FUT8: variants seen among roughly 807,000 people sequenced by gnomAD.
FUT8 encodes fucosyltransferase 8, also known as alpha-(1,6)-fucosyltransferase.
In FUT8, 29 loss-of-function variants were observed where a neutral mutation model predicts 71.3. The ratio of observed to expected loss-of-function variants is 0.41; its 90% CI spans 0.30 to 0.55. FUT8 has a LOEUF of 0.55. Ranked by LOEUF, FUT8 falls within the 20% of genes least tolerant of loss-of-function variation. The pLI is 0.34. For missense variants in FUT8, 544 were observed against 702.1 expected (o/e 0.77, Z 2.55); for synonymous variants, 254 against 239.3 (o/e 1.06, Z -0.57).
intron 10 of FUT8, among the ~76,000 whole-genome samples, chr14:65,740,610 C>A (rs575214993): frequency 2.0e-5 from 3 of 152,104 alleles, no homozygotes; most frequent in East Asian, 3.9e-4. Context: ...AGGCAACTTA[C>A]AATCATGGCA....
chr14:65,482,523 G>T (rs970842519), intron 2 of FUT8, among the ~76,000 whole-genome samples: 1 of 152,108 alleles, frequency 6.6e-6, no homozygotes, highest in African/African-American at 2.4e-5. Context: ...TTAAGCCTTT[G>T]TGAAAATCAA....
chr14:65,538,686 G>A (rs1242958632), intron 2 of FUT8, among the ~76,000 whole-genome samples: 3 of 152,170 alleles, frequency 2.0e-5, no homozygotes, highest in Admixed American at 6.5e-5. Context: ...TTGGGTGGCC[G>A]AGGTAGGTGG....
At chr14:65,580,226 T>C (rs1189839906) in intron 3 of FUT8, among the ~76,000 whole-genome samples, 2 of 151,476 alleles carry the variant, frequency 1.3e-5, no homozygotes, top group African/African-American at 4.8e-5. Context: ...ACCTAGGGTA[T>C]ATGATATAGG....
intron 2 of FUT8, among the ~76,000 whole-genome samples, chr14:65,523,137 A>C (rs1883197538): frequency 6.6e-6 from 1 of 152,218 alleles, no homozygotes; most frequent in South Asian, 2.1e-4. Flanking sequence ...TAGATCCTTG[A>C]GGAATCACCA....
At chr14:65,634,501 A>G (rs9796385) in intron 6 of FUT8, among the ~76,000 whole-genome samples, 53,088 of 148,838 alleles carry the variant, frequency 0.36, 11,713 homozygotes, top group Non-Finnish European at 0.5. Flanking sequence ...CCTTCCCTCC[A>G]CTATTGTCCT....
chr14:65,699,106 C>T (rs1720289551), intron 7 of FUT8, among the ~76,000 whole-genome samples: 3 of 151,138 alleles, frequency 2.0e-5, no homozygotes, highest in Middle Eastern at 3.4e-3. Flanking sequence ...ATACACCTCT[C>T]GCTGTCTTGT....
chr14:65,502,079 T>C (rs1419149629), intron 2 of FUT8, among the ~76,000 whole-genome samples: 2 of 151,900 alleles, frequency 1.3e-5, no homozygotes, highest in African/African-American at 4.8e-5. Context: ...CCCAGCTAAT[T>C]TTTGTATTTT....
chr14:65,643,942 G>A lies in FUT8; in HGVS notation c.597+14336G>A, dbSNP rs1890991728. On this transcript the variant is annotated intron_variant, in intron 6 of 10. Transcript: ENST00000673929. The surrounding 1 kb of genome is among the most constrained non-coding windows in gnomAD (Gnocchi z 4.5). ...TTTTTTTCAAGAAATGGCAGGTTTC[G>A]CTATAGTTCGACTCTGATCTAAGTC... 1.3e-5 allele frequency among the ~76,000 whole-genome samples: 2 copies of A among 151,750 alleles called. No homozygotes were observed. Among genetic ancestry groups the A allele is most frequent in the Admixed American group, 6.6e-5 (1 of 15,262 alleles).
intron 5 of FUT8, chr14:65,617,018 C>G: frequency 6.7e-7 from 1 of 1,497,574 alleles, no homozygotes; most frequent in East Asian, 2.4e-5. Context: ...CAAAATGTAT[C>G]TGAAAATCAT....
chr14:65,425,900 C>T (rs904048983), intron 1 of FUT8, among the ~76,000 whole-genome samples: 1 of 151,790 alleles, frequency 6.6e-6, no homozygotes, highest in South Asian at 2.1e-4. Flanking sequence ...TTGCTTGAAC[C>T]TGAAAGACGG....
chr14:65,622,910 GTTT>G (rs33918554), intron 5 of FUT8, among the ~76,000 whole-genome samples: 2 of 128,878 alleles, frequency 1.6e-5, no homozygotes, highest in Admixed American at 1.7e-4. Flanking sequence ...GAGCTTCTCT[GTTT>G]TTTTTTTTTT....
intron 1 of FUT8, among the ~76,000 whole-genome samples, chr14:65,447,291 C>CA (rs999240365): frequency 0.051 from 4,129 of 81,524 alleles, 94 homozygotes; most frequent in Middle Eastern, 0.12. Flanking sequence ...GAGACTCTCT[C>CA]AAAAAAAAAA....
chr14:65,415,679 T>G (rs1221502602), intron 1 of FUT8, among the ~76,000 whole-genome samples: 1 of 143,376 alleles, frequency 7.0e-6, no homozygotes. Flanking sequence ...GTAGATATAA[T>G]TCCTTTTTTT....
chr14:65,436,610 CAG>C (rs1303933578), intron 1 of FUT8, among the ~76,000 whole-genome samples: 1 of 137,506 alleles, frequency 7.3e-6, no homozygotes, highest in Non-Finnish European at 1.5e-5. Flanking sequence ...GCCTGGGCGA[CAG>C]AGCGAGACTC....
At chr14:65,601,290 G>A (rs1004340727) in intron 3 of FUT8, among the ~76,000 whole-genome samples, 1 of 152,034 alleles carries the variant, frequency 6.6e-6, no homozygotes, top group Non-Finnish European at 1.5e-5. Context: ...TCCATGTATC[G>A]AATTTGACAA....
At chr14:65,667,231 C>G (rs1373937109) in intron 6 of FUT8, among the ~76,000 whole-genome samples, 1 of 152,070 alleles carries the variant, frequency 6.6e-6, no homozygotes, top group African/African-American at 2.4e-5. Context: ...GGAAGTCAAA[C>G]TACCTCTCTT....
chr14:65,633,211 G>T (rs1241263919), intron 6 of FUT8, among the ~76,000 whole-genome samples: 1 of 152,206 alleles, frequency 6.6e-6, no homozygotes, highest in Non-Finnish European at 1.5e-5. Context: ...GGTGGAGACG[G>T]GGTTTCGCTG....
At chr14:65,668,869 G>A (rs1892341982) in intron 6 of FUT8, among the ~76,000 whole-genome samples, 3 of 152,184 alleles carry the variant, frequency 2.0e-5, no homozygotes. Context: ...ATGAGATCAT[G>A]TCCTTTGCAG....
Position 65,743,711 on chromosome 14 carries a change from A to G in FUT8, c.*1301A>G, listed in dbSNP as rs930387229. 6.6e-6 allele frequency: 1 copy of G among 151,842 alleles called. No individual in the cohort carries two copies. The highest frequency in any genetic ancestry group is 2.4e-5 in the African/African-American group (1 of 41,390). The allele number at this position is 151,842 out of a possible 1,614,324, so 9.4% of individuals were successfully genotyped here. A position where few individuals can be genotyped will look rare whatever the true frequency, so the allele number is the denominator to read the frequency against. Reference sequence around the variant, plus strand: ...GACTCACAATGGACTGAGTCTTGGGATTATCTTTTCCAAATTCTTCCATGT... The same window carrying G: ...GACTCACAATGGACTGAGTCTTGGGGTTATCTTTTCCAAATTCTTCCATGT... On this transcript the variant is annotated 3_prime_UTR_variant, in exon 11 of 11. Transcript: ENST00000673929.
Sources: gnomAD v4.1 joint callset for allele counts (sites outside exome capture counted in the v4.1 genomes callset) on GRCh38, gnomAD v4.1.1 for gene constraint, Gnocchi (gnomAD v3.1) non-coding constraint, MANE v1.5 for transcripts, NCBI Gene and HGNC (gene_info 2026-07-23, HGNC 2026-07-21) for gene names.